The following BTD variants were observed in gnomAD, a reference collection of about 807,000 sequenced individuals.
The protein encoded by BTD is biotinidase.
BTD carries 13 observed loss-of-function variants against 17.7 expected under a neutral mutation model. The observed-to-expected ratio is 0.74, with a 90% confidence interval of 0.48 to 1.17. The LOEUF is 1.17. Among genes scored for constraint, BTD ranks in the 50% most tolerant of loss-of-function variants. BTD has a pLI of 0.00. For missense variants in BTD, 674 were observed against 650.4 expected (o/e 1.04, Z -0.39); for synonymous variants, 240 against 245.2 (o/e 0.98, Z 0.20).
Position 15,675,859 on chromosome 3 carries a change from A to G in BTD, c.399+33802A>G, listed in dbSNP as rs1436054990. On this transcript the variant is annotated intron_variant, in intron 3 of 3. Coordinates refer to the BTD transcript ENST00000672141. ...CTTCAAATATGGATCAAAAGATAAA[A>G]GCTCTAGGTTAAGGGAAGAGAATAT... The G allele has an allele frequency of 2.1e-6, 3 of 1,460,544 alleles. No homozygotes were observed. In the Admixed American group the frequency reaches 6.2e-5, roughly 30 times the overall value. 90.5% of individuals were successfully genotyped at this position (1,460,544 alleles called of 1,614,324 possible).
At chr3:15,621,403 G>A (rs1351672294) in intron 1 of BTD, among the ~76,000 whole-genome samples, 1 of 152,182 alleles carries the variant, frequency 6.6e-6, no homozygotes, top group Non-Finnish European at 1.5e-5. Context: ...GGAAGACATA[G>A]TAGAGAATTG....
chr3:15,662,062 T>C (rs1466337399), intron 3 of BTD, among the ~76,000 whole-genome samples: 2 of 152,234 alleles, frequency 1.3e-5, no homozygotes, highest in African/African-American at 2.4e-5. Context: ...GTAGTGTAAG[T>C]CCTCTCATTT....
At chr3:15,621,980 G>T (rs1443893849) in intron 1 of BTD, among the ~76,000 whole-genome samples, 1 of 152,044 alleles carries the variant, frequency 6.6e-6, no homozygotes, top group Non-Finnish European at 1.5e-5. Context: ...TATTCTTTCG[G>T]TGTCCATGGG....
chr3:15,678,394 A>G (rs1473385118), intron 3 of BTD: 28 of 1,546,008 alleles, frequency 1.8e-5, no homozygotes, highest in Non-Finnish European at 2.4e-5. Context: ...CTAAATTTGA[A>G]TGTTATATAT....
chr3:15,622,323 CTG>C (rs2064970718), intron 1 of BTD, among the ~76,000 whole-genome samples: 1 of 152,124 alleles, frequency 6.6e-6, no homozygotes. Flanking sequence ...TTATTTAAAA[CTG>C]TGCAGTTTTA....
At chr3:15,685,007 G>A in intron 3 of BTD, 1 of 559,358 alleles carries the variant, frequency 1.8e-6, no homozygotes, top group Non-Finnish European at 3.2e-6. Flanking sequence ...ATACTTCATG[G>A]CTTATCTCAG....
chr3:15,640,378 T>A (rs1026862794), intron 2 of BTD, among the ~76,000 whole-genome samples: 1 of 151,604 alleles, frequency 6.6e-6, no homozygotes, highest in Non-Finnish European at 1.5e-5. Context: ...AAATGGATTT[T>A]TGAAAGTTTT....
At chr3:15,641,729 G>T (rs2065513992) in intron 2 of BTD, among the ~76,000 whole-genome samples, 179 bp from the exon 3 acceptor site, 1 of 152,156 alleles carries the variant, frequency 6.6e-6, no homozygotes, top group South Asian at 2.1e-4. Context: ...GGTGGAGTGA[G>T]ACAGTATCCC....
intron 3 of BTD, chr3:15,690,243 A>C (rs769031701): frequency 6.6e-7 from 1 of 1,524,786 alleles, no homozygotes; most frequent in Non-Finnish European, 8.9e-7. Context: ...AAAAATGTAA[A>C]TTTAAAACAT....
intron 3 of BTD, chr3:15,684,134 T>C (rs1182430023): frequency 1.3e-5 from 2 of 152,198 alleles, no homozygotes; most frequent in African/African-American, 4.8e-5. Flanking sequence ...TTGACAACAC[T>C]GATGCTTGCA....
chr3:15,641,405 C>A (rs2065502713), intron 2 of BTD, among the ~76,000 whole-genome samples: 1 of 152,216 alleles, frequency 6.6e-6, no homozygotes, highest in Non-Finnish European at 1.5e-5. Flanking sequence ...TCAATCAAAT[C>A]AGACTTTGTA....
At position 15,720,266 on chromosome 3, in the gene BTD, GT is replaced by G. The variant is rs573481408; in HGVS notation, c.1016-1496del. Among the ~76,000 whole-genome samples, 436 of 151,636 alleles carry G rather than the reference GT, an allele frequency of 2.9e-3. 2 individuals carry two copies. Among genetic ancestry groups the G allele is most frequent in the Middle Eastern group, 0.01 (3 of 294 alleles). ...ATTCCTTATGTGCAACACACTGACA[GT>G]TTTTTTTCCCTAACACTGTAAAATT... On this transcript the variant is annotated intron_variant, in intron 4 of 4. Coordinates refer to the BTD transcript ENST00000672427.
At chr3:15,685,182 C>G (rs772416352) in intron 3 of BTD, 1 of 1,589,622 alleles carries the variant, frequency 6.3e-7, no homozygotes, top group Non-Finnish European at 8.6e-7. Context: ...TCTTTTATCT[C>G]TGTTCACTAC....
At chr3:15,692,711 G>T (rs1323937799) in intron 3 of BTD, among the ~76,000 whole-genome samples, 1 of 152,186 alleles carries the variant, frequency 6.6e-6, no homozygotes, top group East Asian at 1.9e-4. Context: ...AAACCTCCTA[G>T]AGATAGATAT....
chr3:15,682,737 T>TA (rs1186827408), intron 3 of BTD, among the ~76,000 whole-genome samples: 1 of 152,208 alleles, frequency 6.6e-6, no homozygotes, highest in Non-Finnish European at 1.5e-5. Flanking sequence ...CTAGTTAAAG[T>TA]AAAAACCATT....
chr3:15,689,786 G>C (rs2068578737), intron 3 of BTD: 1 of 464,178 alleles, frequency 2.2e-6, no homozygotes, highest in Admixed American at 3.5e-5. Context: ...ATAATACACT[G>C]TATTTAAGTT....
intron 3 of BTD, among the ~76,000 whole-genome samples, chr3:15,677,227 T>C (rs998041756): frequency 1.3e-5 from 2 of 152,130 alleles, no homozygotes; most frequent in African/African-American, 2.4e-5. Flanking sequence ...GGAGTGAGGG[T>C]AGGAGAAGAG....
intron 3 of BTD, chr3:15,676,679 T>G: frequency 4.2e-6 from 1 of 240,638 alleles, no homozygotes; most frequent in Non-Finnish European, 8.1e-6. Context: ...TTACAGTTGA[T>G]TTCCACAGAA....
chr3:15,610,955 GA>G (rs34976221), intron 1 of BTD, among the ~76,000 whole-genome samples: 146 of 96,374 alleles, frequency 1.5e-3, no homozygotes, highest in African/African-American at 3.6e-3. Flanking sequence ...GTCAGATTTA[GA>G]AAAAAAAAAA....
Sources: allele counts gnomAD v4.1 joint callset (sites outside exome capture counted in the v4.1 genomes callset), GRCh38; gene constraint gnomAD v4.1.1; transcripts MANE v1.5; gene names NCBI Gene and HGNC (gene_info 2026-07-23, HGNC 2026-07-21).